The following FRMD8 variants were observed in gnomAD, a reference collection of about 807,000 sequenced individuals.
The protein encoded by FRMD8 is FERM domain-containing protein 8.
FRMD8 carries 37 observed loss-of-function variants against 54.2 expected under a neutral mutation model. That is an observed-to-expected ratio of 0.68 (90% CI 0.53 to 0.90). FRMD8 has a LOEUF of 0.90. FRMD8 is among the 40% of genes least tolerant of loss of function. The pLI is 0.00. For missense variants in FRMD8, 585 were observed against 653.7 expected, an observed-to-expected ratio of 0.89 and a Z score of 1.15; for synonymous variants, 246 against 286.9, an observed-to-expected ratio of 0.86 and a Z score of 1.44.
At chr11:65,399,525 A>G (rs931181352) in intron 7 of FRMD8, among the ~76,000 whole-genome samples, 2 of 152,114 alleles carry the variant, frequency 1.3e-5, no homozygotes, top group African/African-American at 4.8e-5. Context: ...CTGTGCCATC[A>G]GGCCCTTCTC....
At chr11:65,379,069 A>C in the FRMD8 span, 4 of 377,610 alleles carry the variant, frequency 1.1e-5, no homozygotes, top group East Asian at 6.4e-5. Flanking sequence ...TGGGCTCCCC[A>C]CAGCTCTGAG....
chr11:65,370,986 C>T, the FRMD8 span, among the ~76,000 whole-genome samples: 1 of 152,128 alleles, frequency 6.6e-6, no homozygotes, highest in Non-Finnish European at 1.5e-5. Context: ...AGAGGGAGAG[C>T]TCCTCTGAGG....
At chr11:65,410,307 C>T (rs1405189788) in intron 10 of FRMD8, among the ~76,000 whole-genome samples, 1 of 151,770 alleles carries the variant, frequency 6.6e-6, no homozygotes, top group Admixed American at 6.6e-5. Context: ...ACCATCCTGG[C>T]CAGCATGGTG....
chr11:65,375,253 A>G, the FRMD8 span: 1 of 152,320 alleles, frequency 6.6e-6, no homozygotes, highest in Non-Finnish European at 1.5e-5. Context: ...GCTGGAAACC[A>G]TCCAAAGCGC....
chr11:65,380,677 T>C, the FRMD8 span: 1 of 1,137,990 alleles, frequency 8.8e-7, no homozygotes, highest in African/African-American at 1.6e-5. Flanking sequence ...GCTTCTCCCC[T>C]CCCCTCCACC....
the FRMD8 span, chr11:65,376,756 C>T: frequency 3.1e-6 from 5 of 1,613,882 alleles, no homozygotes; most frequent in Admixed American, 8.3e-5. Flanking sequence ...TCCCCAGTCC[C>T]CGCTGGACCC....
chr11:65,385,754 AAC>A (rs1855718897), upstream of FRMD8, among the ~76,000 whole-genome samples: 1 of 152,026 alleles, frequency 6.6e-6, no homozygotes, highest in Non-Finnish European at 1.5e-5. Context: ...TCCCTGGAAA[AAC>A]AGAGTGTCTG....
chr11:65,378,934 C>T, the FRMD8 span: 3 of 172,222 alleles, frequency 1.7e-5, no homozygotes, highest in African/African-American at 7.2e-5. Flanking sequence ...GCACTGCAGG[C>T]AAAGTGTAGA....
At chr11:65,398,826 G>A (rs1856008464) in intron 7 of FRMD8, among the ~76,000 whole-genome samples, 1 of 152,088 alleles carries the variant, frequency 6.6e-6, no homozygotes, top group African/African-American at 2.4e-5. Flanking sequence ...GAGCAGGACG[G>A]CCCCAGGAAT....
Position 65,397,039 on chromosome 11 carries a change from C to T in FRMD8, c.803+19C>T, listed in dbSNP as rs376043198. 2,442 of 1,345,402 alleles carry T rather than the reference C, an allele frequency of 1.8e-3. 5 individuals are homozygous for T. Among genetic ancestry groups the T allele is most frequent in the Non-Finnish European group, 1.9e-3 (1,948 of 1,010,100 alleles). 83.3% of individuals were successfully genotyped at this position (1,345,402 alleles called of 1,614,324 possible). On this transcript the variant is annotated intron_variant, in intron 7 of 10. Coordinates refer to ENST00000317568, the MANE Select transcript of FRMD8 (RefSeq NM_031904.5). The stretch of plus-strand genomic sequence containing the variant: ...TTTATGGGTAAGAGCCACAGCCCCG[C>T]GGTCCCCCACCCCCTCCGCAGGCTG...
chr11:65,371,563 C>A, the FRMD8 span, among the ~76,000 whole-genome samples: 2 of 152,228 alleles, frequency 1.3e-5, no homozygotes, highest in Admixed American at 6.5e-5. Context: ...TCTGTTAAAT[C>A]CTTAAGCAAT....
the FRMD8 span, chr11:65,379,103 G>A: frequency 4.3e-6 from 2 of 462,482 alleles, no homozygotes; most frequent in Non-Finnish European, 3.9e-6. Context: ...TCTGGAGGGG[G>A]GCAAGCCCCG....
the FRMD8 span, chr11:65,376,186 C>T: frequency 1.7e-6 from 1 of 601,922 alleles, no homozygotes; most frequent in Non-Finnish European, 2.9e-6. Context: ...ATGTGGGAGG[C>T]AAAGGAGTCA....
In FRMD8 at chr11:65,404,834, C is replaced by A. The variant is rs775042348; in HGVS notation, c.1072-30C>A. On this transcript the variant is annotated intron_variant, in intron 9 of 10. Transcript: ENST00000317568. The surrounding 1 kb of genome is among the most constrained non-coding windows in gnomAD (Gnocchi z 4.7). ...CAACAGGCATGGAAGGGGGCCCTGG[C>A]CAGGCCTCACACTGCCCCCTCCTCC... The A allele has an allele frequency of 3.5e-5, 55 of 1,580,230 alleles. 2 individuals carry two copies. In the South Asian group the frequency reaches 5.6e-4, roughly 16 times the overall value.
intron 3 of FRMD8, among the ~76,000 whole-genome samples, chr11:65,390,244 C>T (rs530522865): frequency 2.0e-5 from 3 of 152,254 alleles, no homozygotes; most frequent in South Asian, 4.1e-4. Context: ...TCTCTAGACA[C>T]TCAGCCCAGG....
At chr11:65,386,461 CTG>C (rs1476336895), upstream of FRMD8, 3 of 153,138 alleles carry the variant, frequency 2.0e-5, no homozygotes, top group African/African-American at 7.2e-5. Context: ...CTGGGTCACT[CTG>C]GTGGTGGCGG....
chr11:65,395,220 C>T (rs1458034339), intron 6 of FRMD8, among the ~76,000 whole-genome samples: 3 of 146,186 alleles, frequency 2.1e-5, no homozygotes, highest in Admixed American at 1.4e-4. Flanking sequence ...GCACTCCAGT[C>T]TGGGTGACAG....
At chr11:65,388,797 G>A (rs1855782129) in intron 2 of FRMD8, among the ~76,000 whole-genome samples, 3 of 152,264 alleles carry the variant, frequency 2.0e-5, no homozygotes, top group South Asian at 4.1e-4. Flanking sequence ...TTTAACCTGG[G>A]TGACCTAAAG....
intron 9 of FRMD8, among the ~76,000 whole-genome samples, chr11:65,403,602 T>C (rs1358103340): frequency 6.6e-6 from 1 of 152,162 alleles, no homozygotes; most frequent in Admixed American, 6.6e-5. Context: ...ACCCCCAGTG[T>C]AGGATGGATA....
Sources: allele counts gnomAD v4.1 joint callset (sites outside exome capture counted in the v4.1 genomes callset), GRCh38; gene constraint gnomAD v4.1.1; non-coding constraint Gnocchi (gnomAD v3.1); transcripts MANE v1.5; gene names NCBI Gene and HGNC (gene_info 2026-07-23, HGNC 2026-07-21).